SPHKAP: variants seen among roughly 807,000 people sequenced by gnomAD.
The protein encoded by SPHKAP is SPHK1 interactor, AKAP domain containing.
A neutral mutation model predicts 137.5 loss-of-function variants in SPHKAP; 67 were observed. The observed-to-expected ratio is 0.49, with a 90% CI of 0.40 to 0.60. The LOEUF (loss-of-function observed/expected upper bound fraction) is 0.60, where lower values mean the gene tolerates loss of function less well. SPHKAP is among the 20% of genes least tolerant of loss of function. The probability of loss-of-function intolerance (pLI) is 0.00; values close to 1 mark genes in which losing one functional copy is unlikely to be tolerated. For synonymous variants in SPHKAP, 813 were observed against 785.3 expected (o/e 1.04, Z -0.59); for missense variants, 2,097 against 2,069.3 (o/e 1.01, Z -0.26).
At chr2:228,037,413 T>C (rs1313685893) in intron 3 of SPHKAP, among the ~76,000 whole-genome samples, 1 of 152,216 alleles carries the variant, frequency 6.6e-6, no homozygotes, top group Non-Finnish European at 1.5e-5. Context: ...TACATATTTT[T>C]GTATTGGAAA....
At chr2:227,988,621 C>A (rs1228783427) in intron 11 of SPHKAP, among the ~76,000 whole-genome samples, 1 of 152,166 alleles carries the variant, frequency 6.6e-6, no homozygotes, top group African/African-American at 2.4e-5. Flanking sequence ...TCAGATACCA[C>A]CTGAAAATCT....
intron 1 of SPHKAP, among the ~76,000 whole-genome samples, chr2:228,161,481 G>A (rs527775483): frequency 5.9e-5 from 9 of 152,238 alleles, no homozygotes; most frequent in South Asian, 2.1e-4. Flanking sequence ...GCATATTCTC[G>A]CTTAAAAGTG....
chr2:228,032,282 T>C (rs13020955), intron 3 of SPHKAP, among the ~76,000 whole-genome samples: 3 of 151,722 alleles, frequency 2.0e-5, no homozygotes, highest in Non-Finnish European at 4.4e-5. Context: ...AAGGGTATCA[T>C]TGATGGAAGA....
intron 3 of SPHKAP, among the ~76,000 whole-genome samples, chr2:228,075,190 G>A (rs1173295565): frequency 6.6e-6 from 1 of 152,064 alleles, no homozygotes; most frequent in African/African-American, 2.4e-5. Flanking sequence ...AAGATGAGAG[G>A]GATTTTATAA....
At chr2:228,110,164 C>T (rs978042280) in intron 2 of SPHKAP, among the ~76,000 whole-genome samples, 75 of 151,798 alleles carry the variant, frequency 4.9e-4, no homozygotes, top group African/African-American at 1.6e-3. Flanking sequence ...ACATTTCATT[C>T]GTACAACAAA....
At chr2:228,118,415 A>G (rs1194452975) in intron 2 of SPHKAP, among the ~76,000 whole-genome samples, 1 of 151,964 alleles carries the variant, frequency 6.6e-6, no homozygotes, top group Non-Finnish European at 1.5e-5. Context: ...ACTAAGTCAT[A>G]TGGTAAATTT....
intron 2 of SPHKAP, among the ~76,000 whole-genome samples, chr2:228,125,657 G>A (rs893759481): frequency 6.6e-6 from 1 of 152,128 alleles, no homozygotes; most frequent in Non-Finnish European, 1.5e-5. Flanking sequence ...ATTATAAAGA[G>A]ACTAGGAAGA....
At chr2:228,132,850 A>T (rs1699297679) in intron 1 of SPHKAP, among the ~76,000 whole-genome samples, 2 of 150,598 alleles carry the variant, frequency 1.3e-5, no homozygotes, top group African/African-American at 4.9e-5. Flanking sequence ...ATACAAAAAA[A>T]AAAATAAGCC....
intron 3 of SPHKAP, among the ~76,000 whole-genome samples, chr2:228,096,285 C>G (rs1028974408): frequency 1.3e-5 from 2 of 152,038 alleles, no homozygotes; most frequent in Non-Finnish European, 2.9e-5. Context: ...GCAATTATAC[C>G]TACTGGATTA....
chr2:228,060,528 G>A (rs990031473), intron 3 of SPHKAP, among the ~76,000 whole-genome samples: 20 of 152,172 alleles, frequency 1.3e-4, no homozygotes, highest in African/African-American at 4.8e-4. Flanking sequence ...AATGGTTACA[G>A]TGTTTTTAAT....
chr2:228,159,373 T>C (rs1351762651), intron 1 of SPHKAP, among the ~76,000 whole-genome samples: 1 of 152,094 alleles, frequency 6.6e-6, no homozygotes, highest in Non-Finnish European at 1.5e-5. Context: ...TAACTGGCCT[T>C]ATCTAAAGGA....
intron 3 of SPHKAP, among the ~76,000 whole-genome samples, chr2:228,034,202 C>G (rs1695478529): frequency 6.6e-6 from 1 of 152,108 alleles, no homozygotes; most frequent in South Asian, 2.1e-4. Context: ...GGTGATATCA[C>G]CACTGATCCC....
intron 11 of SPHKAP, among the ~76,000 whole-genome samples, chr2:227,989,227 C>T (rs2106158016): frequency 1.3e-5 from 2 of 152,188 alleles, no homozygotes; most frequent in South Asian, 2.1e-4. Flanking sequence ...TGAGAAAGAT[C>T]CTTTTAAAAT....
chr2:228,123,373 G>A (rs1263327350), intron 2 of SPHKAP, among the ~76,000 whole-genome samples: 3 of 152,200 alleles, frequency 2.0e-5, no homozygotes, highest in Non-Finnish European at 4.4e-5. Context: ...AGGCTGCTAG[G>A]TCAGAAGAGA....
At chr2:227,994,730 G>A (rs886823432) in intron 8 of SPHKAP, among the ~76,000 whole-genome samples, 1 of 152,072 alleles carries the variant, frequency 6.6e-6, no homozygotes, top group African/African-American at 2.4e-5. Flanking sequence ...TTTGCTTTTT[G>A]TTTCTATCTT....
At chr2:228,005,379 C>T (rs2106188015) in intron 7 of SPHKAP, among the ~76,000 whole-genome samples, 1 of 152,294 alleles carries the variant, frequency 6.6e-6, no homozygotes, top group East Asian at 1.9e-4. Flanking sequence ...GTAACCCCTG[C>T]CTTTTTTTGT....
At chr2:228,124,582 G>A (rs1239677112) in intron 2 of SPHKAP, among the ~76,000 whole-genome samples, 3 of 135,792 alleles carry the variant, frequency 2.2e-5, no homozygotes, top group African/African-American at 8.2e-5. Context: ...AGGGCCTGTC[G>A]TGGGGTGGGG....
At chr2:228,080,459 C>T (rs1472505255) in intron 3 of SPHKAP, among the ~76,000 whole-genome samples, 2 of 152,114 alleles carry the variant, frequency 1.3e-5, no homozygotes, top group East Asian at 3.9e-4. Context: ...GTAGTCCCAG[C>T]ACTTTGGGAG....
chr2:228,122,028 A>G (rs756834559), intron 2 of SPHKAP, among the ~76,000 whole-genome samples: 9 of 152,292 alleles, frequency 5.9e-5, no homozygotes, highest in Non-Finnish European at 8.8e-5. Flanking sequence ...GGCCAGTGAT[A>G]GGGAGCAGGG....
Sources: gnomAD v4.1 joint callset for allele counts (sites outside exome capture counted in the v4.1 genomes callset) on GRCh38, gnomAD v4.1.1 for gene constraint, MANE v1.5 for transcripts, NCBI Gene and HGNC (gene_info 2026-07-23, HGNC 2026-07-21) for gene names.